Variants in LSAMP observed in about 807,000 individuals in gnomAD.
LSAMP encodes limbic system associated membrane protein.
Under a neutral mutation model 38.6 loss-of-function variants are expected in LSAMP, and 7 were observed. The observed-to-expected ratio is 0.18, with a 90% CI of 0.10 to 0.34. The LOEUF (loss-of-function observed/expected upper bound fraction) is 0.34, where lower values mean the gene tolerates loss of function less well. LSAMP is among the 10% of genes least tolerant of loss of function. The pLI is 1.00. For missense variants in LSAMP, 313 were observed against 420.0 expected (o/e 0.75, Z 2.23); for synonymous variants, 154 against 166.8 (o/e 0.92, Z 0.59).
At chr3:116,064,351 C>A (rs1057124722) in intron 2 of LSAMP, among the ~76,000 whole-genome samples, 4 of 151,870 alleles carry the variant, frequency 2.6e-5, no homozygotes, top group Non-Finnish European at 5.9e-5. Flanking sequence ...CATGGTGAAA[C>A]CCCGTCTCTA....
At chr3:115,922,738 T>C (rs1378991610) in intron 3 of LSAMP, among the ~76,000 whole-genome samples, 4 of 152,144 alleles carry the variant, frequency 2.6e-5, no homozygotes, top group Non-Finnish European at 1.5e-5. Context: ...GGGTTAAGGG[T>C]GCCTCTGAAA....
At chr3:116,398,483 A>G (rs569220120) in intron 1 of LSAMP, among the ~76,000 whole-genome samples, 1 of 152,340 alleles carries the variant, frequency 6.6e-6, no homozygotes, top group South Asian at 2.1e-4. Flanking sequence ...CGATTAGCTG[A>G]CAAAGCTCTA....
chr3:115,999,415 A>G (rs1274320810), intron 3 of LSAMP, among the ~76,000 whole-genome samples: 5 of 152,186 alleles, frequency 3.3e-5, no homozygotes, highest in Non-Finnish European at 5.9e-5. Context: ...CTAAAGCACA[A>G]AATAGCTACT....
Position 116,006,020 on chromosome 3 carries a change from T to A in LSAMP, c.514+13495A>T, listed in dbSNP as rs906820282. Among the ~76,000 whole-genome samples the A allele has an allele frequency of 1.3e-5, 2 of 152,104 alleles. 1 individual carries two copies. The highest frequency in any genetic ancestry group is 4.1e-4 in the South Asian group (2 of 4,822). Reference sequence around the variant, plus strand: ...AATTAAAAATCTGTGACCCCAGAGCTCAAAGAAAGACAGATGAGCCAGAAG... The same window carrying A: ...AATTAAAAATCTGTGACCCCAGAGCACAAAGAAAGACAGATGAGCCAGAAG... On this transcript the variant is annotated intron_variant, in intron 3 of 6. Transcript: ENST00000490035.
At chr3:115,988,068 T>A (rs538760906) in intron 3 of LSAMP, among the ~76,000 whole-genome samples, 1 of 152,230 alleles carries the variant, frequency 6.6e-6, no homozygotes, top group African/African-American at 2.4e-5. Context: ...TGATCCCATC[T>A]CCTCTGCAAA....
At chr3:116,278,446 A>T (rs1371877623) in intron 1 of LSAMP, among the ~76,000 whole-genome samples, 2 of 152,208 alleles carry the variant, frequency 1.3e-5, no homozygotes, top group Non-Finnish European at 2.9e-5. Context: ...ACTCATCTGC[A>T]AAACAACCAA....
chr3:115,992,740 T>G (rs1252190611), intron 3 of LSAMP, among the ~76,000 whole-genome samples: 1 of 152,114 alleles, frequency 6.6e-6, no homozygotes, highest in Non-Finnish European at 1.5e-5. Context: ...AGAATATATT[T>G]AATAAAAAGT....
intron 3 of LSAMP, among the ~76,000 whole-genome samples, chr3:115,906,699 C>T (rs1183272580): frequency 2.6e-5 from 4 of 152,114 alleles, no homozygotes; most frequent in Non-Finnish European, 5.9e-5. Context: ...TTGCTATCTA[C>T]AAAGCGTTTG....
Position 115,904,311 on chromosome 3 carries a change from CAAT to C in LSAMP, c.515-51697_515-51695del, listed in dbSNP as rs534519210. On this transcript the variant is annotated intron_variant, in intron 3 of 6. Coordinates refer to ENST00000490035, the MANE Select transcript of LSAMP (RefSeq NM_002338.5). ...AAATGAAAAATTTTAATTTCTAAAA[CAAT>C]GTAACTTAGAAAAAGGGATCCATGA... Among the ~76,000 whole-genome samples, 31 of 151,774 alleles carry C rather than the reference CAAT, an allele frequency of 2.0e-4. 1 individual carries two copies. The South Asian group carries it at 6.2e-3, about 31-fold the overall frequency.
intron 1 of LSAMP, among the ~76,000 whole-genome samples, chr3:116,139,330 A>G (rs909088044): frequency 1.3e-5 from 2 of 151,970 alleles, no homozygotes; most frequent in African/African-American, 4.8e-5. Context: ...ACCACAAAAT[A>G]TTCTGTTCTG....
chr3:116,105,463 C>G (rs909712014), intron 1 of LSAMP, among the ~76,000 whole-genome samples: 2 of 151,096 alleles, frequency 1.3e-5, no homozygotes, highest in South Asian at 2.1e-4. Flanking sequence ...GCAGAGTCAG[C>G]GAAGGGAGGT....
At chr3:115,854,282 ATTT>A (rs35263381) in intron 3 of LSAMP, among the ~76,000 whole-genome samples, 1,138 of 106,950 alleles carry the variant, frequency 0.011, 8 homozygotes, top group Middle Eastern at 0.021. Flanking sequence ...TATTATTATT[ATTT>A]TTTTTTTTTT....
At chr3:115,987,957 A>G (rs4240166) in intron 3 of LSAMP, among the ~76,000 whole-genome samples, 54,787 of 151,936 alleles carry the variant, frequency 0.36, 9,934 homozygotes, top group African/African-American at 0.39. Flanking sequence ...CATAAGGACA[A>G]TTTTATAAAC....
intron 1 of LSAMP, among the ~76,000 whole-genome samples, chr3:116,410,972 G>A (rs1291474035): frequency 6.6e-6 from 1 of 152,052 alleles, no homozygotes; most frequent in Non-Finnish European, 1.5e-5. Flanking sequence ...TGGTTTGAAT[G>A]TTCCCTGCAA....
At chr3:115,821,486 C>G (rs1000848898) in intron 6 of LSAMP, among the ~76,000 whole-genome samples, 4 of 152,132 alleles carry the variant, frequency 2.6e-5, no homozygotes, top group Non-Finnish European at 5.9e-5. Flanking sequence ...TGTTCTAATT[C>G]TAGGGTATTT....
intron 6 of LSAMP, among the ~76,000 whole-genome samples, chr3:115,810,844 T>G (rs1173522742): frequency 6.6e-6 from 1 of 152,066 alleles, no homozygotes; most frequent in African/African-American, 2.4e-5. Context: ...TCATGGCATC[T>G]CCACCAATAA....
intron 3 of LSAMP, among the ~76,000 whole-genome samples, chr3:116,001,201 A>T (rs1939981473): frequency 6.6e-6 from 1 of 152,214 alleles, no homozygotes. Context: ...AAAAAAAGGA[A>T]AAGAAAAAAA....
intron 3 of LSAMP, among the ~76,000 whole-genome samples, chr3:115,994,039 G>T (rs1939747575): frequency 6.6e-6 from 1 of 152,044 alleles, no homozygotes; most frequent in African/African-American, 2.4e-5. Context: ...TTTGGTGTTT[G>T]TTTGTTTGCT....
At position 116,434,828 on chromosome 3, in the gene LSAMP, C is replaced by T. The variant is rs116253388; in HGVS notation, c.155+10049G>A. Among the ~76,000 whole-genome samples the T allele has an allele frequency of 3.3e-3, 503 of 152,208 alleles. 3 individuals are homozygous for T. The highest frequency in any genetic ancestry group is 4.8e-3 in the Non-Finnish European group (326 of 68,002). On this transcript the variant is annotated intron_variant, in intron 1 of 6. Transcript: ENST00000490035. ...GCCTCCCAAAGTGTTGGGATTACAG[C>T]GTGAGCCACTGCGCTCGGCCGGGGC...
Sources: allele counts gnomAD v4.1 joint callset (sites outside exome capture counted in the v4.1 genomes callset), GRCh38; gene constraint gnomAD v4.1.1; transcripts MANE v1.5; gene names NCBI Gene and HGNC (gene_info 2026-07-23, HGNC 2026-07-21).